Variants in CCDC74A observed in about 807,000 individuals in gnomAD.
CCDC74A encodes coiled-coil domain containing 74A, also known as coiled-coil domain-containing protein 74A.
A neutral mutation model predicts 37.6 loss-of-function variants in CCDC74A; 38 were observed. The ratio of observed to expected loss-of-function variants is 1.01; its 90% CI spans 0.78 to 1.33. The LOEUF is 1.33. Among genes scored for constraint, CCDC74A ranks in the 40% most tolerant of loss-of-function variants. The pLI is 0.00. For synonymous variants in CCDC74A, 134 were observed against 165.2 expected (o/e 0.81, Z 1.45); for missense variants, 340 against 403.4 (o/e 0.84, Z 1.35).
chr2:131,524,048 A>G (rs1311361617), upstream of CCDC74A, among the ~76,000 whole-genome samples: 3 of 152,118 alleles, frequency 2.0e-5, no homozygotes, highest in African/African-American at 7.2e-5. Context: ...GCCTTTTAAA[A>G]TACACTTCCA....
upstream of CCDC74A, among the ~76,000 whole-genome samples, chr2:131,525,711 CTTTTT>C (rs58721770): frequency 3.2e-5 from 2 of 63,452 alleles, no homozygotes; most frequent in African/African-American, 1.5e-4. Context: ...CTATGCCTGC[CTTTTT>C]TTTTTTTTTT....
intron 2 of CCDC74A, chr2:131,529,928 AGGT>A (rs1371844499): frequency 6.7e-7 from 1 of 1,499,986 alleles, no homozygotes; most frequent in Admixed American, 2.2e-5. Context: ...TGCAGTGGGG[AGGT>A]GGGCACAGGG....
In CCDC74A at chr2:131,532,795, T is replaced by C. The variant is rs1036402821; in HGVS notation, c.678+14T>C. 1.9e-6 allele frequency: 3 copies of C among 1,612,970 alleles called. No homozygotes were observed. The highest frequency in any genetic ancestry group is 2.5e-6 in the Non-Finnish European group (3 of 1,179,662). The stretch of plus-strand genomic sequence containing the variant: ...CAGACCCAAGAGGTGAGGCCCTGGG[T>C]GGTGGGGGTGGCCCTGGGCAGTCTG... On this transcript the variant is annotated intron_variant, in intron 5 of 7. Coordinates refer to ENST00000409856, the MANE Select transcript of CCDC74A (RefSeq NM_001258306.3).
Position 131,530,753 on chromosome 2 carries a change from C to T in CCDC74A, c.296-24C>T, listed in dbSNP as rs77810790. On this transcript the variant is annotated intron_variant, in intron 2 of 7. Transcript: ENST00000409856. The stretch of plus-strand genomic sequence containing the variant: ...CGTGGGCGTCTTGCGGGCGGTAGCG[C>T]CGACACTGTGCGCTCTCCTGCAGAC... The T allele has an allele frequency of 1.7e-5, 28 of 1,612,894 alleles. No individual in the cohort carries two copies. In the African/African-American group the frequency reaches 3.1e-4, roughly 18 times the overall value.
In CCDC74A at chr2:131,533,039, A is replaced by G. The variant is rs533306063; in HGVS notation, c.779A>G (p.Lys260Arg). ...PRDQEATHFPKVSTKSLSKKC... is the reference protein window; with the variant it reads ...PRDQEATHFPRVSTKSLSKKC... Reference sequence around the variant, plus strand: ...GACCAAGAAGCCACGCATTTCCCCAAGGTCTCCACCAAGAGCCTCTCCAAG... The same window carrying G: ...GACCAAGAAGCCACGCATTTCCCCAGGGTCTCCACCAAGAGCCTCTCCAAG... The change falls in exon 7 of 8, where the codon AAG (lysine) becomes AGG (arginine). Residue 260 changes from lysine to arginine, a missense_variant. Lys to Arg is a conservative substitution (Grantham distance 26). Around this residue, in one of 3 missense-constraint regions of CCDC74A, gnomAD observed 185 missense variants for 231.5 expected, o/e 0.80. Coordinates refer to ENST00000409856, the MANE Select transcript of CCDC74A (RefSeq NM_001258306.3). 122 of 1,613,876 alleles carry G rather than the reference A, an allele frequency of 7.6e-5. No homozygotes were observed. In the East Asian group the frequency reaches 2.2e-3, roughly 29 times the overall value.
At chr2:131,530,315 C>G (rs2104804927) in intron 2 of CCDC74A, 1 of 1,543,328 alleles carries the variant, frequency 6.5e-7, no homozygotes, top group African/African-American at 1.4e-5. Flanking sequence ...GGACATCTGA[C>G]TGGTGGATGG....
chr2:131,531,349 G>C (rs1681263614), intron 3 of CCDC74A, among the ~76,000 whole-genome samples: 1 of 152,166 alleles, frequency 6.6e-6, no homozygotes, highest in Admixed American at 6.5e-5. Context: ...GACGGGCCTT[G>C]TCCTTGCCGA....
At chr2:131,532,070 C>T (rs1254173012) in intron 4 of CCDC74A, among the ~76,000 whole-genome samples, 4 of 150,814 alleles carry the variant, frequency 2.7e-5, no homozygotes, top group African/African-American at 7.3e-5. Context: ...AGTAGCAGCC[C>T]CTAAACCACT....
In CCDC74A at chr2:131,529,693, T is replaced by A. The variant is rs1306712945; in HGVS notation, c.295+2T>A. 7.4e-6 allele frequency: 12 copies of A among 1,613,720 alleles called. 1 individual carries two copies. The highest frequency in any genetic ancestry group is 3.3e-5 in the Admixed American group (2 of 60,000). On this transcript the variant is annotated splice_donor_variant, in intron 2 of 7. Transcript: ENST00000409856. LOFTEE classifies it high-confidence loss of function. ...TGAATCAGACATCACAGAAGAAAGG[T>A]GAGAACTGGGCCCTTCAGTGACTGA...
At chr2:131,527,803 C>A (rs1680428518), upstream of CCDC74A, 2 of 939,314 alleles carry the variant, frequency 2.1e-6, no homozygotes, top group Non-Finnish European at 3.0e-6. Context: ...CCCTGGATGC[C>A]TTGTAAATCA....
intron 3 of CCDC74A, among the ~76,000 whole-genome samples, 169 bp downstream of exon 3, chr2:131,530,996 G>T (rs928141279): frequency 6.6e-6 from 1 of 152,044 alleles, no homozygotes; most frequent in Non-Finnish European, 1.5e-5. Context: ...CACCGGGAGG[G>T]GATTAAGGGG....
intron 2 of CCDC74A, chr2:131,529,939 G>C: frequency 6.6e-7 from 1 of 1,503,938 alleles, no homozygotes; most frequent in Non-Finnish European, 8.9e-7. Flanking sequence ...GGTGGGCACA[G>C]GGTGCTCCCC....
At chr2:131,530,891 G>A (rs146734821) in intron 3 of CCDC74A, 64 bp downstream of exon 3, 32,973 of 1,565,604 alleles carry the variant, frequency 0.021, 342 homozygotes, top group Middle Eastern at 0.051. Context: ...CAGCCTGGGT[G>A]GCCTCTAGGG....
chr2:131,523,700 A>G (rs765125114), upstream of CCDC74A, among the ~76,000 whole-genome samples: 1 of 152,184 alleles, frequency 6.6e-6, no homozygotes, highest in African/African-American at 2.4e-5. Flanking sequence ...GGCCACACCT[A>G]TTTCACTAAA....
upstream of CCDC74A, among the ~76,000 whole-genome samples, chr2:131,524,245 G>A (rs1680220599): frequency 6.6e-6 from 1 of 152,028 alleles, no homozygotes. Context: ...AATAACACTG[G>A]GTTATTGTGT....
At chr2:131,530,048 C>T in intron 2 of CCDC74A, 1 of 1,550,414 alleles carries the variant, frequency 6.4e-7, no homozygotes. Context: ...GTGGCCAGGC[C>T]CAGGATTTCC....
chr2:131,528,758 C>T (rs1163842223), intron 1 of CCDC74A: 2 of 360,208 alleles, frequency 5.6e-6, no homozygotes, highest in Non-Finnish European at 1.1e-5. Context: ...TTGCAGTGAG[C>T]CGAGATCTTG....
chr2:131,526,677 T>C (rs1355044875), upstream of CCDC74A, among the ~76,000 whole-genome samples: 2 of 152,220 alleles, frequency 1.3e-5, no homozygotes, highest in African/African-American at 4.8e-5. Flanking sequence ...CAAGTTTTTG[T>C]TGAGGGCTGG....
intron 4 of CCDC74A, 35 bp downstream of exon 4, chr2:131,531,837 G>A: frequency 6.5e-7 from 1 of 1,543,900 alleles, no homozygotes; most frequent in Non-Finnish European, 8.7e-7. Flanking sequence ...GCAAGGGCAG[G>A]CCAGGTAAGT....
Sources: allele counts gnomAD v4.1 joint callset (sites outside exome capture counted in the v4.1 genomes callset), GRCh38; gene constraint gnomAD v4.1.1; regional missense constraint gnomAD v4.1.1; transcripts MANE v1.5; gene names NCBI Gene and HGNC (gene_info 2026-07-23, HGNC 2026-07-21).